Variants in COG6 observed in about 807,000 individuals in gnomAD.
COG6 encodes the protein component of oligomeric golgi complex 6, also known as conserved oligomeric Golgi complex subunit 6.
Under a neutral mutation model 88.8 loss-of-function variants are expected in COG6, and 74 were observed. The ratio of observed to expected loss-of-function variants is 0.83; its 90% CI spans 0.69 to 1.01. COG6 has a LOEUF of 1.01. COG6 is among the 50% of genes least tolerant of loss of function. The probability of loss-of-function intolerance (pLI) is 0.00; values close to 1 mark genes in which losing one functional copy is unlikely to be tolerated. For missense variants in COG6, 800 were observed against 797.9 expected (o/e 1.00, Z -0.03); for synonymous variants, 286 against 278.7 (o/e 1.03, Z -0.26).
intron 13 of COG6, among the ~76,000 whole-genome samples, chr13:39,714,076 T>C (rs1018516439): frequency 1.3e-5 from 2 of 152,196 alleles, no homozygotes; most frequent in Non-Finnish European, 2.9e-5. Flanking sequence ...AAAGTGTGAC[T>C]TTAGCCTTAA....
chr13:39,785,274 T>C (rs1190377203), intron 18 of COG6: 1 of 152,188 alleles, frequency 6.6e-6, no homozygotes, highest in Non-Finnish European at 1.5e-5. Context: ...TCAGGGTATA[T>C]AGTGAGGATG....
At chr13:39,719,586 G>A in intron 14 of COG6, 74 bp from the exon 15 acceptor site, 1 of 1,410,916 alleles carries the variant, frequency 7.1e-7, no homozygotes, top group South Asian at 1.2e-5. Context: ...AATTAGTTTG[G>A]CATTAAATAT....
intron 13 of COG6, among the ~76,000 whole-genome samples, chr13:39,701,371 T>TA (rs1252663343): frequency 6.6e-6 from 1 of 151,924 alleles, no homozygotes; most frequent in Non-Finnish European, 1.5e-5. Flanking sequence ...AAGGGAGTGA[T>TA]ACATTTGGAT....
At chr13:39,711,296 G>T (rs1403443471) in intron 13 of COG6, among the ~76,000 whole-genome samples, 1 of 152,026 alleles carries the variant, frequency 6.6e-6, no homozygotes, top group Non-Finnish European at 1.5e-5. Context: ...ACTTCAATGT[G>T]GTCACGATCT....
At chr13:39,671,370 A>AT (rs1270807995) in intron 4 of COG6, among the ~76,000 whole-genome samples, 23 of 150,546 alleles carry the variant, frequency 1.5e-4, no homozygotes, top group African/African-American at 5.6e-4. Context: ...TTTGCGTAAC[A>AT]TTTTTTCCCC....
chr13:39,730,518 G>A (rs1879375855), intron 18 of COG6, among the ~76,000 whole-genome samples: 1 of 151,914 alleles, frequency 6.6e-6, no homozygotes, highest in Non-Finnish European at 1.5e-5. Context: ...CTGAATGCCT[G>A]TAATCCCAGC....
intron 18 of COG6, among the ~76,000 whole-genome samples, chr13:39,737,247 G>A (rs1048078199): frequency 2.0e-5 from 3 of 152,084 alleles, no homozygotes; most frequent in South Asian, 4.1e-4. Flanking sequence ...ACCACCACTG[G>A]TACTGCGCTG....
intron 3 of COG6, chr13:39,664,010 C>T (rs564707444): frequency 6.5e-6 from 1 of 154,722 alleles, no homozygotes; most frequent in South Asian, 2.0e-4. Flanking sequence ...GGCAATCAGG[C>T]TCTGTTATTG....
Position 39,727,656 on chromosome 13 carries a change from G to GA in COG6, c.1826+112dup, listed in dbSNP as rs1388984937. On this transcript the variant is annotated intron_variant, in intron 18 of 18. Transcript: ENST00000455146. ...TTTCAAGAATAAATGATTTACCATTGAAAATCTATAGTTCTCAACCTTTCT... is the reference window on the plus strand; with the variant it reads ...TTTCAAGAATAAATGATTTACCATTGAAAAATCTATAGTTCTCAACCTTTCT... 20 of 855,742 alleles carry GA rather than the reference G, an allele frequency of 2.3e-5. No individual in the cohort carries two copies. The African/African-American group carries it at 3.0e-4, about 13-fold the overall frequency. 53.0% of individuals were successfully genotyped at this position (855,742 alleles called of 1,614,324 possible).
intron 18 of COG6, among the ~76,000 whole-genome samples, chr13:39,739,611 C>T (rs781512328): frequency 6.6e-6 from 1 of 152,044 alleles, no homozygotes; most frequent in Non-Finnish European, 1.5e-5. Context: ...AAAAATCTTA[C>T]TTGAATTTAC....
chr13:39,700,607 A>G (rs1337900321), intron 13 of COG6, among the ~76,000 whole-genome samples: 2 of 151,948 alleles, frequency 1.3e-5, no homozygotes, highest in Non-Finnish European at 2.9e-5. Context: ...TAATTTATAC[A>G]TGATACACAA....
At chr13:39,694,796 A>ATT in intron 12 of COG6, 71 bp downstream of exon 12, 2 of 798,018 alleles carry the variant, frequency 2.5e-6, no homozygotes, top group Non-Finnish European at 4.2e-6. Context: ...ACAGTATAAG[A>ATT]TTTTTTTTTA....
intron 18 of COG6, among the ~76,000 whole-genome samples, chr13:39,747,496 T>G: frequency 6.6e-6 from 1 of 152,190 alleles, no homozygotes; most frequent in Non-Finnish European, 1.5e-5. Context: ...CGGCTTTGCT[T>G]TCTTCATCTT....
At chr13:39,677,813 C>T (rs1593418236) in intron 5 of COG6, among the ~76,000 whole-genome samples, 1 of 152,190 alleles carries the variant, frequency 6.6e-6, no homozygotes, top group African/African-American at 2.4e-5. Context: ...TACTCTTCCT[C>T]ACCTCTAGGT....
chr13:39,781,710 G>A (rs1785059570), intron 18 of COG6, among the ~76,000 whole-genome samples: 1 of 152,070 alleles, frequency 6.6e-6, no homozygotes, highest in Admixed American at 6.5e-5. Context: ...CAATATGTAT[G>A]CACTAGACAC....
chr13:39,752,667 T>C (rs1036755407), downstream of COG6: 48 of 1,219,458 alleles, frequency 3.9e-5, no homozygotes, highest in Non-Finnish European at 5.0e-5. Flanking sequence ...TGTAGATATA[T>C]ATCCTATTGA....
chr13:39,773,356 G>T (rs1881370991), intron 18 of COG6, among the ~76,000 whole-genome samples: 1 of 152,226 alleles, frequency 6.6e-6, no homozygotes, highest in African/African-American at 2.4e-5. Context: ...TTAAGCACTG[G>T]AGATTGTCTA....
chr13:39,666,092 A>G (rs1433823056), intron 4 of COG6, among the ~76,000 whole-genome samples: 1 of 152,236 alleles, frequency 6.6e-6, no homozygotes, highest in East Asian at 1.9e-4. Flanking sequence ...ATTTTTACAG[A>G]AAAAGTCTGT....
intron 18 of COG6, among the ~76,000 whole-genome samples, chr13:39,732,533 A>G (rs1370242922): frequency 6.6e-6 from 1 of 152,242 alleles, no homozygotes; most frequent in African/African-American, 2.4e-5. Context: ...TCAAGAATTT[A>G]AAGGAAAACA....
Sources: gnomAD v4.1 joint callset for allele counts (sites outside exome capture counted in the v4.1 genomes callset) on GRCh38, gnomAD v4.1.1 for gene constraint, MANE v1.5 for transcripts, NCBI Gene and HGNC (gene_info 2026-07-23, HGNC 2026-07-21) for gene names.